The following PLCB1 variants were observed in gnomAD, a reference collection of about 807,000 sequenced individuals.
PLCB1 encodes phospholipase C beta 1.
Under a neutral mutation model 161.8 loss-of-function variants are expected in PLCB1, and 46 were observed. The ratio of observed to expected loss-of-function variants is 0.28; its 90% CI spans 0.22 to 0.36. The LOEUF (loss-of-function observed/expected upper bound fraction) is 0.36, where lower values mean the gene tolerates loss of function less well. Among genes scored for constraint, PLCB1 ranks in the 10% least tolerant of loss-of-function variants. PLCB1 has a pLI of 1.00. For missense variants in PLCB1, 1,016 were observed against 1,472.5 expected (o/e 0.69, Z 5.07); for synonymous variants, 517 against 503.7 (o/e 1.03, Z -0.35).
At chr20:8,574,965 G>A (rs150507871) in intron 3 of PLCB1, among the ~76,000 whole-genome samples, 126 of 152,284 alleles carry the variant, frequency 8.3e-4, no homozygotes, top group African/African-American at 3.0e-3. Flanking sequence ...GCCTGTAATC[G>A]GTATGGAAGG....
chr20:8,634,774 G>A (rs1293042234), intron 4 of PLCB1, among the ~76,000 whole-genome samples: 1 of 152,076 alleles, frequency 6.6e-6, no homozygotes, highest in Non-Finnish European at 1.5e-5. Context: ...CAAGCACCTC[G>A]CTGGGCACTG....
chr20:8,680,783 ATTG>A (rs1990191267), intron 9 of PLCB1, among the ~76,000 whole-genome samples: 1 of 152,014 alleles, frequency 6.6e-6, no homozygotes, highest in Admixed American at 6.6e-5. Flanking sequence ...TCACCAAACT[ATTG>A]TTGTTTGTTG....
chr20:8,627,407 G>C (rs1988385705), intron 3 of PLCB1, among the ~76,000 whole-genome samples: 1 of 152,110 alleles, frequency 6.6e-6, no homozygotes, highest in African/African-American at 2.4e-5. Flanking sequence ...GCCAGTCTAA[G>C]TAATCAGGAC....
chr20:8,279,973 CTTCATAATGA>C (rs1284530225), intron 2 of PLCB1, among the ~76,000 whole-genome samples: 1 of 152,098 alleles, frequency 6.6e-6, no homozygotes, highest in East Asian at 1.9e-4. Context: ...TGGGTATTCA[CTTCATAATGA>C]TTTGTTTAGC....
intron 31 of PLCB1, among the ~76,000 whole-genome samples, chr20:8,877,341 G>A (rs1262563314): frequency 1.3e-5 from 2 of 152,216 alleles, no homozygotes; most frequent in Non-Finnish European, 2.9e-5. Context: ...ATTTAAATCT[G>A]TTAGGGGAAA....
At chr20:8,494,788 G>A (rs1465625986) in intron 3 of PLCB1, among the ~76,000 whole-genome samples, 1 of 151,912 alleles carries the variant, frequency 6.6e-6, no homozygotes, top group African/African-American at 2.4e-5. Flanking sequence ...ACCACTTCTA[G>A]TTTACATAGT....
intron 2 of PLCB1, among the ~76,000 whole-genome samples, chr20:8,195,413 A>G (rs2052011305): frequency 6.6e-6 from 1 of 152,054 alleles, no homozygotes; most frequent in Non-Finnish European, 1.5e-5. Flanking sequence ...TAGGCCCAAG[A>G]GAACTCCCTT....
At chr20:8,242,752 C>G (rs938960614) in intron 2 of PLCB1, among the ~76,000 whole-genome samples, 1 of 151,754 alleles carries the variant, frequency 6.6e-6, no homozygotes, top group Non-Finnish European at 1.5e-5. Context: ...GCTTTTAGCT[C>G]CAGGGATAGG....
intron 31 of PLCB1, among the ~76,000 whole-genome samples, chr20:8,817,377 G>A (rs968756091): frequency 6.6e-6 from 1 of 152,042 alleles, no homozygotes; most frequent in Non-Finnish European, 1.5e-5. Flanking sequence ...GTGTAGAATA[G>A]AGGAGGAAAA....
Position 8,757,128 on chromosome 20 carries a change from C to A in PLCB1, c.2606C>A (p.Thr869Asn), listed in dbSNP as rs780601786. Residue 869 changes from threonine to asparagine, a missense_variant, in exon 24 of 32, where the codon ACC becomes AAC. Thr to Asn is a moderately conservative substitution (Grantham distance 65). Transcript: ENST00000338037. ...PAENGVNHTT[T>N]LTPKPPSQAL... ...GAAAATGGGGTGAATCACACTACAA[C>A]CCTGACACCCAAGCCACCCTCCCAG... is the stretch of plus-strand genomic sequence containing the variant. 3 of 1,613,346 alleles carry A rather than the reference C, an allele frequency of 1.9e-6. No homozygotes were observed. Among genetic ancestry groups the A allele is most frequent in the Admixed American group, 1.7e-5 (1 of 59,984 alleles).
At chr20:8,870,691 C>T (rs1271451670) in intron 31 of PLCB1, among the ~76,000 whole-genome samples, 2 of 152,190 alleles carry the variant, frequency 1.3e-5, no homozygotes, top group Non-Finnish European at 2.9e-5. Flanking sequence ...CCTACCTCGT[C>T]CTTGACTCCT....
At chr20:8,550,546 C>T (rs6133591) in intron 3 of PLCB1, among the ~76,000 whole-genome samples, 1 of 152,244 alleles carries the variant, frequency 6.6e-6, no homozygotes, top group East Asian at 1.9e-4. Flanking sequence ...GCCTCCCCAG[C>T]CATGCAGAAC....
intron 2 of PLCB1, among the ~76,000 whole-genome samples, chr20:8,180,066 G>T (rs894891828): frequency 6.6e-5 from 10 of 151,788 alleles, no homozygotes; most frequent in Non-Finnish European, 1.3e-4. Flanking sequence ...CACCGTTTTA[G>T]CCAGGATGGT....
At chr20:8,879,387 T>C (rs1181117974) in intron 31 of PLCB1, among the ~76,000 whole-genome samples, 1 of 152,148 alleles carries the variant, frequency 6.6e-6, no homozygotes, top group African/African-American at 2.4e-5. Flanking sequence ...TTTTAACTTT[T>C]CTGATTTTAG....
chr20:8,794,610 TC>T (rs1182837952), intron 31 of PLCB1, among the ~76,000 whole-genome samples: 1 of 152,256 alleles, frequency 6.6e-6, no homozygotes, highest in Non-Finnish European at 1.5e-5. Flanking sequence ...ATTTACTTTC[TC>T]TTCATCCACT....
chr20:8,442,385 T>A (rs575971677), intron 3 of PLCB1, among the ~76,000 whole-genome samples: 1 of 152,318 alleles, frequency 6.6e-6, no homozygotes, highest in African/African-American at 2.4e-5. Context: ...CATGGTGGGA[T>A]GTGGGCTCAA....
At chr20:8,694,769 A>C (rs1412596632) in intron 10 of PLCB1, among the ~76,000 whole-genome samples, 1 of 152,236 alleles carries the variant, frequency 6.6e-6, no homozygotes, top group African/African-American at 2.4e-5. Context: ...TGATATAGTC[A>C]GTGATGTGCG....
At chr20:8,811,327 C>G (rs1984811757) in intron 31 of PLCB1, among the ~76,000 whole-genome samples, 1 of 152,112 alleles carries the variant, frequency 6.6e-6, no homozygotes, top group African/African-American at 2.4e-5. Context: ...GGGATCTGGT[C>G]TAGTAATGGA....
chr20:8,149,979 T>C (rs2051492991), intron 1 of PLCB1, among the ~76,000 whole-genome samples: 1 of 152,110 alleles, frequency 6.6e-6, no homozygotes, highest in Admixed American at 6.5e-5. Flanking sequence ...TAAAAATAAG[T>C]AATGATGTTT....
Sources: gnomAD v4.1 joint callset for allele counts (sites outside exome capture counted in the v4.1 genomes callset) on GRCh38, gnomAD v4.1.1 for gene constraint, MANE v1.5 for transcripts, NCBI Gene and HGNC (gene_info 2026-07-23, HGNC 2026-07-21) for gene names.